The following MBD1 variants were observed in gnomAD, a reference collection of about 807,000 sequenced individuals.
MBD1 encodes methyl-CpG-binding domain protein 1.
In MBD1, 25 loss-of-function variants were observed where a neutral mutation model predicts 82.6. The observed-to-expected ratio is 0.30, with a 90% CI of 0.22 to 0.42. The LOEUF (loss-of-function observed/expected upper bound fraction) is 0.42, where lower values mean the gene tolerates loss of function less well. Among genes scored for constraint, MBD1 ranks in the 10% least tolerant of loss-of-function variants. The pLI is 1.00. For missense variants in MBD1, 627 were observed against 819.6 expected (o/e 0.76, Z 2.87); for synonymous variants, 301 against 303.7 (o/e 0.99, Z 0.09).
At position 50,274,166 on chromosome 18, in the gene MBD1, A is replaced by C; in HGVS notation, c.1146+20T>G. On this transcript the variant is annotated intron_variant, in intron 11 of 16. Transcript: ENST00000269468. ...TGGCCCAACCTATCCCGTCCACCTG[A>C]CCCTTCCTGCCCCACCCACCATGGC... 6.2e-7 allele frequency: 1 copy of C among 1,613,190 alleles called. No individual in the cohort carries two copies. Among genetic ancestry groups the C allele is most frequent in the Non-Finnish European group, 8.5e-7 (1 of 1,179,972 alleles).
chr18:50,277,276 G>A, intron 2 of MBD1, 72 bp from the exon 3 acceptor site: 1 of 1,245,080 alleles, frequency 8.0e-7, no homozygotes, highest in Non-Finnish European at 1.2e-6. Flanking sequence ...CCTTTTGACA[G>A]GGCTGGCAGG....
Position 50,279,249 on chromosome 18 carries a change from T to A in MBD1, c.110+634A>T, listed in dbSNP as rs143641466. Among the ~76,000 whole-genome samples the A allele has an allele frequency of 3.8e-4, 58 of 152,368 alleles. 1 individual carries two copies. In the Middle Eastern group the frequency reaches 0.02, roughly 54 times the overall value. On this transcript the variant is annotated intron_variant, in intron 2 of 16. Transcript: ENST00000269468. ...CATTTCATGAACCCACCAATGTAGC[T>A]GCTTTCTCATCTCTTACATAGCTTC...
downstream of MBD1, chr18:50,267,539 A>T (rs901396762): frequency 1.5e-4 from 178 of 1,216,580 alleles, no homozygotes; most frequent in Non-Finnish European, 2.0e-4. Context: ...TCAGAAGTCC[A>T]GTAACTGGTT....
In MBD1 at chr18:50,273,384, C is replaced by G; in HGVS notation, c.1534G>C (p.Gly512Arg). ...KADTQDEWTP[G>R]TAVLTSPVLV... is the part of the protein sequence containing the mutation. ...ACGGGAGAAGTCAGGACAGCTGTGC[C>G]TGGTGTCCACTCGTCCTGGGTATCC... is the stretch of plus-strand genomic sequence containing the variant. Residue 512 changes from glycine (G) to arginine (R), a missense_variant, in exon 13 of 17, where the codon GGC becomes CGC. Transcript: ENST00000269468. 6.2e-7 allele frequency: 1 copy of G among 1,614,214 alleles called. No homozygotes were observed. The highest frequency in any genetic ancestry group is 8.5e-7 in the Non-Finnish European group (1 of 1,180,040).
At position 50,273,583 on chromosome 18, in the gene MBD1, G is replaced by T; in HGVS notation, c.1427C>A (p.Ser476Tyr). 2.5e-6 allele frequency: 4 copies of T among 1,612,932 alleles called. No individual in the cohort carries two copies. The highest frequency in any genetic ancestry group is 3.4e-6 in the Non-Finnish European group (4 of 1,180,018). The part of the protein sequence containing the change: ...PVQVPGPVAA[S>Y]TEALLQEAQC... The stretch of plus-strand genomic sequence containing the variant: ...CCTCACCTGCAACAGGGCTTCTGTG[G>T]AAGCTGCAACAGGGCCCGGCACCTG... The change falls in exon 12 of 17, where the codon TCC (serine) becomes TAC (tyrosine). Residue 476 changes from serine (S) to tyrosine (Y), a missense_variant. This residue lies in a region of MBD1 where 265 missense variants were observed against 278.4 expected (regional missense o/e 0.95). Coordinates refer to ENST00000269468, the MANE Select transcript of MBD1 (RefSeq NM_015846.4).
At chr18:50,280,088 C>A in intron 1 of MBD1, 71 bp from the exon 2 acceptor site, 1 of 1,457,538 alleles carries the variant, frequency 6.9e-7, no homozygotes, top group Non-Finnish European at 9.3e-7. Flanking sequence ...CCAGGCCACA[C>A]AAATCACTGG....
rs1319764539 is a variant in MBD1, at chr18:50,281,466, T to G, written c.-129A>C. ...CTCGCCCTCCTCCCCTTCCTCCTCC[T>G]CCGCGGCCGCCTCCTCTGAAGCGGT... On this transcript the variant is annotated 5_prime_UTR_variant, in exon 1 of 17. Transcript: ENST00000269468. 5.1e-6 allele frequency: 3 copies of G among 590,718 alleles called. No individual in the cohort carries two copies. Among genetic ancestry groups the G allele is most frequent in the African/African-American group, 3.7e-5 (2 of 53,568 alleles). 36.6% of individuals were successfully genotyped at this position (590,718 alleles called of 1,614,324 possible). A position where few individuals can be genotyped will look rare whatever the true frequency, so the allele number is the denominator to read the frequency against.
At chr18:50,270,198 G>A (rs751553686) in intron 16 of MBD1, 5 of 1,572,708 alleles carry the variant, frequency 3.2e-6, no homozygotes, top group East Asian at 2.2e-5. Flanking sequence ...GTATGAGACA[G>A]AACTGGGAAA....
At chr18:50,279,668 G>A (rs541525309) in intron 2 of MBD1, 87 of 595,200 alleles carry the variant, frequency 1.5e-4, no homozygotes, top group African/African-American at 1.2e-3. Context: ...TGCTCTGTAC[G>A]TATTCTTGAA....
chr18:50,268,478 T>A (rs2034238103), downstream of MBD1, among the ~76,000 whole-genome samples: 1 of 152,264 alleles, frequency 6.6e-6, no homozygotes, highest in African/African-American at 2.4e-5. Flanking sequence ...CCTCTGGCCC[T>A]AGCCCAAGTA....
chr18:50,281,386 T>A lies in MBD1; in HGVS notation c.-49A>T. The A allele has an allele frequency of 1.4e-6, 1 of 698,764 alleles. No homozygotes were observed. The highest frequency in any genetic ancestry group is 2.5e-6 in the Non-Finnish European group (1 of 398,364). 43.3% of individuals were successfully genotyped at this position (698,764 alleles called of 1,614,324 possible). A position where few individuals can be genotyped will look rare whatever the true frequency, so the allele number is the denominator to read the frequency against. ...ACCAGTTTGGCACCAGGCCGGTATC[T>A]TCCGCCACTCTAGGCCCGTGGACCC... is the stretch of plus-strand genomic sequence containing the variant. On this transcript the variant is annotated 5_prime_UTR_variant, in exon 1 of 17. It adds an upstream start codon to the 5' untranslated region. Transcript: ENST00000269468.
intron 15 of MBD1, chr18:50,272,420 C>G (rs2035959074): frequency 5.6e-6 from 3 of 532,924 alleles, no homozygotes; most frequent in Non-Finnish European, 1.0e-5. Flanking sequence ...CTTTTTCTTT[C>G]AAATCTCATG....
chr18:50,273,193 T>C, intron 13 of MBD1, 141 bp downstream of exon 13: 3 of 1,343,340 alleles, frequency 2.2e-6, no homozygotes, highest in Non-Finnish European at 3.1e-6. Context: ...GGGTGTCTGT[T>C]AGACAGGCGG....
chr18:50,271,859 T>C (rs2035699657), intron 15 of MBD1, among the ~76,000 whole-genome samples: 1 of 152,162 alleles, frequency 6.6e-6, no homozygotes, highest in African/African-American at 2.4e-5. Flanking sequence ...GTTTCTAGCC[T>C]GGTGGGCTGG....
chr18:50,269,909 T>C (rs2034766650), intron 16 of MBD1, 91 bp from the exon 17 acceptor site: 1 of 1,195,790 alleles, frequency 8.4e-7, no homozygotes, highest in Non-Finnish European at 1.2e-6. Flanking sequence ...ATCCCTATAA[T>C]AAATCCCTTA....
At chr18:50,273,891 T>C (rs376782704) in intron 11 of MBD1, 28 bp from the exon 12 acceptor site, 5 of 1,608,478 alleles carry the variant, frequency 3.1e-6, no homozygotes, top group East Asian at 2.2e-5. Context: ...GTGCTATGGC[T>C]ACCTGGTGTC....
chr18:50,278,930 G>A (rs1046407990), intron 2 of MBD1, among the ~76,000 whole-genome samples: 1 of 152,100 alleles, frequency 6.6e-6, no homozygotes, highest in African/African-American at 2.4e-5. Flanking sequence ...TGTTATGTAA[G>A]GTTTTTTGCC....
chr18:50,273,001 C>T (rs536881407), intron 13 of MBD1, 46 bp from the exon 14 acceptor site: 1 of 1,613,002 alleles, frequency 6.2e-7, no homozygotes, highest in Admixed American at 1.7e-5. Context: ...GCAGAGTTCA[C>T]CTGAGGAAAG....
At chr18:50,274,078 A>AAAGCT (rs1182333375) in intron 11 of MBD1, 108 bp downstream of exon 11, 1 of 1,495,688 alleles carries the variant, frequency 6.7e-7, no homozygotes, top group African/African-American at 1.4e-5. Context: ...ATCCTCAACC[A>AAAGCT]AAGCTACTGC....
Sources: gnomAD v4.1 joint callset for allele counts (sites outside exome capture counted in the v4.1 genomes callset) on GRCh38, gnomAD v4.1.1 for gene constraint, gnomAD v4.1.1 regional missense constraint, MANE v1.5 for transcripts, NCBI Gene and HGNC (gene_info 2026-07-23, HGNC 2026-07-21) for gene names.